Variants in APEH observed in about 807,000 individuals in gnomAD.
The protein encoded by APEH is acylamino-acid-releasing enzyme.
In APEH, 75 loss-of-function variants were observed where a neutral mutation model predicts 102.7. The ratio of observed to expected loss-of-function variants is 0.73; its 90% CI spans 0.61 to 0.89. The LOEUF is 0.89. Ranked by LOEUF, APEH falls within the 40% of genes least tolerant of loss-of-function variation. The pLI, the probability that APEH is intolerant of heterozygous loss-of-function variation, is 0.00. For synonymous variants in APEH, 344 were observed against 362.7 expected (o/e 0.95, Z 0.59); for missense variants, 863 against 941.2 (o/e 0.92, Z 1.09).
upstream of APEH, chr3:49,674,343 G>T (rs375714729): frequency 6.2e-4 from 948 of 1,529,726 alleles, 19 homozygotes; most frequent in South Asian, 0.011. Context: ...TCCGCCCCCG[G>T]AAGCCTCACT....
Position 49,682,350 on chromosome 3 carries a change from AACTATCG to A in APEH, c.1607_1613del (p.Asn536MetfsTer23). The A allele has an allele frequency of 6.2e-7, 1 of 1,612,820 alleles. No homozygotes were observed. Among genetic ancestry groups the A allele is most frequent in the Middle Eastern group, 1.7e-4 (1 of 6,058 alleles). ...GTCTGGTCCCTCCCTGCCCTCAGTG[AACTATCG>A]TGGCTCCACGGGCTTTGGCCAGGAC... On this transcript the variant is annotated frameshift_variant, in exon 18 of 22. Coordinates refer to ENST00000296456, the MANE Select transcript of APEH (RefSeq NM_001640.4). LOFTEE classifies it high-confidence loss of function.
rs770263498 is a variant in APEH at position 49,676,606 on chromosome 3, C to T, written c.745-3C>T. 3 of 1,614,278 alleles carry T rather than the reference C, an allele frequency of 1.9e-6. No homozygotes were observed. The highest frequency in any genetic ancestry group is 2.2e-5 in the South Asian group (2 of 91,084). ...CACTCCTGCCCTTTGATCCTGTTTA[C>T]AGGCATTTTGGGCCCCTGGAGATGC... is the stretch of plus-strand genomic sequence containing the variant. On this transcript the variant is annotated splice_region_variant and splice_polypyrimidine_tract_variant and intron_variant, in intron 7 of 21. Transcript: ENST00000296456.
chr3:49,683,826 G>A lies in APEH; in HGVS notation c.*484G>A, dbSNP rs754933594. 2.7e-6 allele frequency: 2 copies of A among 751,808 alleles called. No homozygotes were observed. The highest frequency in any genetic ancestry group is 2.1e-6 in the Non-Finnish European group (1 of 474,960). 46.6% of individuals were successfully genotyped at this position (751,808 alleles called of 1,614,324 possible). ...AAGTAGTCCCAGGGACATTGCCTTG[G>A]TTGGGGAAGCCCCTAGGCTGGACAG... On this transcript the variant is annotated 3_prime_UTR_variant, in exon 22 of 22. Transcript: ENST00000296456.
chr3:49,683,208 C>G (rs747019509), intron 21 of APEH, 29 bp from the exon 22 acceptor site: 23 of 1,610,080 alleles, frequency 1.4e-5, no homozygotes, highest in Non-Finnish European at 2.0e-5. Flanking sequence ...GACCCTCCAA[C>G]CTTAAATGTT....
intron 10 of APEH, 130 bp from the exon 11 acceptor site, chr3:49,677,443 A>G (rs1163939865): frequency 2.4e-6 from 2 of 844,316 alleles, no homozygotes; most frequent in African/African-American, 1.7e-5. Flanking sequence ...CAGAAAAGAG[A>G]TACATCAGGC....
At chr3:49,678,766 G>T in intron 11 of APEH, 86 bp from the exon 12 acceptor site, 1 of 1,145,816 alleles carries the variant, frequency 8.7e-7, no homozygotes, top group South Asian at 1.3e-5. Flanking sequence ...GGCCCTGGGT[G>T]AATTCCCCAG....
In APEH at chr3:49,683,840, T is replaced by C; in HGVS notation, c.*498T>C. ...ACATTGCCTTGGTTGGGGAAGCCCCTAGGCTGGACAGATCACCTAGCCCAG... is the reference window on the plus strand; with the variant it reads ...ACATTGCCTTGGTTGGGGAAGCCCCCAGGCTGGACAGATCACCTAGCCCAG... On this transcript the variant is annotated 3_prime_UTR_variant, in exon 22 of 22. Transcript: ENST00000296456. 1.2e-6 allele frequency: 1 copy of C among 859,966 alleles called. No homozygotes were observed. Among genetic ancestry groups the C allele is most frequent in the Non-Finnish European group, 1.8e-6 (1 of 568,774 alleles). 53.3% of individuals were successfully genotyped at this position (859,966 alleles called of 1,614,324 possible).
chr3:49,674,628 G>T lies in APEH; in HGVS notation c.145+7G>T. The T allele has an allele frequency of 1.9e-6, 3 of 1,587,184 alleles. No individual in the cohort carries two copies. Among genetic ancestry groups the T allele is most frequent in the Non-Finnish European group, 2.6e-6 (3 of 1,176,010 alleles). ...TACCGGACGGTGCACACTGGTGTGT[G>T]TGCGAAGGGGAACTGGCTGGCGACG... On this transcript the variant is annotated splice_region_variant and intron_variant, in intron 2 of 21. Transcript: ENST00000296456.
At position 49,681,107 on chromosome 3, in the gene APEH, G is replaced by T. The variant is rs1237937044; in HGVS notation, c.1306G>T (p.Gly436Trp). The T allele has an allele frequency of 6.3e-7, 1 of 1,581,898 alleles. No individual in the cohort carries two copies. The highest frequency in any genetic ancestry group is 8.6e-7 in the Non-Finnish European group (1 of 1,163,512). Residue 436 changes from glycine (G) to tryptophan (W), a missense_variant, in exon 15 of 22, where the codon GGG (glycine) becomes TGG (tryptophan). Transcript: ENST00000296456. ...TPSLPPTLKV[G>W]FLPSAGKEQS... The stretch of plus-strand genomic sequence containing the variant: ...CATTCTTTCCCCTTGGCAGAAAGTT[G>T]GGTTCCTGCCTTCTGCAGGGAAGGA...
intron 10 of APEH, 96 bp from the exon 11 acceptor site, chr3:49,677,476 TG>T: frequency 1.8e-6 from 2 of 1,128,338 alleles, no homozygotes; most frequent in Non-Finnish European, 2.7e-6. Context: ...CCCCATCTCC[TG>T]GGGCTACCTG....
At chr3:49,675,594 GGCCAGA>G in intron 3 of APEH, 94 bp from the exon 4 acceptor site, 1 of 1,247,538 alleles carries the variant, frequency 8.0e-7, no homozygotes, top group Non-Finnish European at 1.2e-6. Context: ...GCTGGTGTGG[GGCCAGA>G]GCCTCAAGAA....
In APEH at chr3:49,676,075, C is replaced by T; in HGVS notation, c.462C>T (p.Ser154=). 2 of 1,614,234 alleles carry T rather than the reference C, an allele frequency of 1.2e-6. No homozygotes were observed. Among genetic ancestry groups the T allele is most frequent in the Non-Finnish European group, 8.5e-7 (1 of 1,180,028 alleles). Residue 154 remains serine (S), a synonymous_variant, in exon 6 of 22, where the codon TCC becomes TCT. Coordinates refer to ENST00000296456, the MANE Select transcript of APEH (RefSeq NM_001640.4). ...ACCCAGACTGCTTTGGCTGCCTGTC[C>T]TGGTCGCACTCGGAGACACACTTGT... is the stretch of plus-strand genomic sequence containing the variant. ...VYEDDCFGCL[S]WSHSETHLLY... is the part of the protein sequence containing the mutation.
At chr3:49,682,103 G>A in intron 17 of APEH, 136 bp downstream of exon 17, 2 of 1,046,722 alleles carry the variant, frequency 1.9e-6, no homozygotes, top group South Asian at 1.5e-5. Context: ...CCACTACCAG[G>A]AACTGCTGGG....
In APEH at chr3:49,683,319, C is replaced by T. The variant is rs1296559993; in HGVS notation, c.2176C>T (p.Leu726=). The change falls in exon 22 of 22, where the codon CTA becomes TTA. Residue 726 remains leucine, a synonymous_variant. Transcript: ENST00000296456. The part of the protein sequence containing the change: ...SDSFMNAVLW[L]RTHLGS ...CAGCTTCATGAATGCTGTGCTCTGG[C>T]TACGCACACACTTGGGCAGCTGAAG... The T allele has an allele frequency of 1.2e-6, 2 of 1,613,454 alleles. No homozygotes were observed. Among genetic ancestry groups the T allele is most frequent in the Non-Finnish European group, 1.7e-6 (2 of 1,179,680 alleles).
rs764651174 is a variant in APEH at position 49,674,380 on chromosome 3, C to T, written c.-22C>T. ...CCGGGCGCGAGCACGCCCCGCCTCG[C>T]CCCGGCGGCAGAGAGGAGACTATGG... On this transcript the variant is annotated 5_prime_UTR_variant, in exon 1 of 22. Transcript: ENST00000296456. The T allele has an allele frequency of 1.3e-6, 2 of 1,565,906 alleles. No homozygotes were observed.
chr3:49,681,053 G>A, intron 14 of APEH, 48 bp from the exon 15 acceptor site: 1 of 1,525,026 alleles, frequency 6.6e-7, no homozygotes, highest in Non-Finnish European at 8.8e-7. Context: ...GAAGGGAAGG[G>A]CAGGGAGGCA....
Position 49,674,381 on chromosome 3 carries a change from C to T in APEH, c.-21C>T, listed in dbSNP as rs754370892. Reference sequence around the variant, plus strand: ...CGGGCGCGAGCACGCCCCGCCTCGCCCCGGCGGCAGAGAGGAGACTATGGA... The same window carrying T: ...CGGGCGCGAGCACGCCCCGCCTCGCTCCGGCGGCAGAGAGGAGACTATGGA... On this transcript the variant is annotated 5_prime_UTR_variant, in exon 1 of 22. Transcript: ENST00000296456. 1.9e-6 allele frequency: 3 copies of T among 1,566,846 alleles called. No individual in the cohort carries two copies. In the African/African-American group the frequency reaches 4.1e-5, roughly 21 times the overall value.
chr3:49,675,042 C>CAG, intron 2 of APEH, 141 bp from the exon 3 acceptor site: 1 of 1,215,144 alleles, frequency 8.2e-7, no homozygotes, highest in Non-Finnish European at 1.2e-6. Flanking sequence ...GTTGTCCAGC[C>CAG]TGCAGCCAGG....
chr3:49,674,264 T>A (rs2052905512), upstream of APEH: 1 of 1,169,234 alleles, frequency 8.6e-7, no homozygotes, highest in East Asian at 2.7e-5. Context: ...CCTCACCCAT[T>A]AGCCGAAGGC....
Sources: gnomAD v4.1 joint callset for allele counts on GRCh38, gnomAD v4.1.1 for gene constraint, MANE v1.5 for transcripts, NCBI Gene and HGNC (gene_info 2026-07-23, HGNC 2026-07-21) for gene names.